Variants in DEFB124 observed in about 807,000 individuals in gnomAD.
DEFB124 encodes defensin beta 124, also known as beta-defensin 124.
For synonymous variants in DEFB124, 38 were observed against 36.5 expected (o/e 1.04, Z -0.15); for missense variants, 78 against 83.1 (o/e 0.94, Z 0.24).
At chr20:31,471,695 T>G (rs1274062237) in intron 2 of DEFB124, among the ~76,000 whole-genome samples, 1 of 136,360 alleles carries the variant, frequency 7.3e-6, no homozygotes, top group African/African-American at 2.9e-5. Flanking sequence ...ACGGGGCGGC[T>G]GGGCAGAGAC....
chr20:31,465,709 A>C, intron 2 of DEFB124, 46 bp from the exon 3 acceptor site: 1 of 1,596,064 alleles, frequency 6.3e-7, no homozygotes, highest in African/African-American at 1.3e-5. Context: ...CATGGGTCAC[A>C]CGTTAGACCA....
chr20:31,472,919 A>G (rs1980373701), intron 2 of DEFB124, 37 bp downstream of exon 2: 23 of 983,716 alleles, frequency 2.3e-5, no homozygotes, highest in South Asian at 1.1e-4. Context: ...ACACATGTGC[A>G]CACACACACA....
chr20:31,466,558 C>T (rs182720515), intron 2 of DEFB124, among the ~76,000 whole-genome samples: 160 of 147,286 alleles, frequency 1.1e-3, no homozygotes, highest in African/African-American at 4.1e-3. Flanking sequence ...CAAGTTCGTG[C>T]CACTGCACTG....
At position 31,466,606 on chromosome 20, in the gene DEFB124, A is replaced by AATAT. The variant is rs369305241; in HGVS notation, c.59-947_59-944dup. ...CAAACTAAGACTCCATCTCAAAAAG[A>AATAT]ATATATATATATATATAAAACCTTA... On this transcript the variant is annotated intron_variant, in intron 2 of 2. Coordinates refer to ENST00000317676, the MANE Select transcript of DEFB124 (RefSeq NM_001037500.2). 5.7e-4 allele frequency among the ~76,000 whole-genome samples: 69 copies of AATAT among 120,492 alleles called. 3 individuals are homozygous for AATAT. The highest frequency in any genetic ancestry group is 2.6e-3 in the African/African-American group (63 of 24,162). 79.0% of individuals were successfully genotyped at this position (120,492 alleles called of 152,430 possible). A position where few individuals can be genotyped will look rare whatever the true frequency, so the allele number is the denominator to read the frequency against.
chr20:31,471,164 G>A (rs1247017232), intron 2 of DEFB124, among the ~76,000 whole-genome samples: 2 of 136,702 alleles, frequency 1.5e-5, no homozygotes, highest in African/African-American at 5.5e-5. Flanking sequence ...TCCCGGACGA[G>A]GCGGCTGGCT....
At chr20:31,470,348 C>G (rs569209716) in intron 2 of DEFB124, among the ~76,000 whole-genome samples, 3 of 139,682 alleles carry the variant, frequency 2.1e-5, no homozygotes, top group Non-Finnish European at 4.8e-5. Context: ...GCGCCCCTCA[C>G]CCCCCGGACG....
chr20:31,465,992 A>C (rs1337788410), intron 2 of DEFB124, among the ~76,000 whole-genome samples: 1 of 151,734 alleles, frequency 6.6e-6, no homozygotes, highest in Non-Finnish European at 1.5e-5. Context: ...CCCTTTCTCT[A>C]CCAAAAATAC....
rs1333818860 is a variant in DEFB124, at chr20:31,471,482, G to A, written c.58+1474C>T. Among the ~76,000 whole-genome samples, 3 of 135,240 alleles carry A rather than the reference G, an allele frequency of 2.2e-5. 1 individual carries two copies. Among genetic ancestry groups the A allele is most frequent in the African/African-American group, 5.6e-5 (2 of 35,822 alleles). 88.7% of individuals were successfully genotyped at this position (135,240 alleles called of 152,430 possible). On this transcript the variant is annotated intron_variant, in intron 2 of 2. Transcript: ENST00000317676. The stretch of plus-strand genomic sequence containing the variant: ...GACTGACCCCCCCCACCTCCCTCCC[G>A]GACGGGGGGCTGACCCCCCCACCTC...
chr20:31,472,442 G>A (rs1365404006), intron 2 of DEFB124, among the ~76,000 whole-genome samples: 1 of 133,718 alleles, frequency 7.5e-6, no homozygotes, highest in Non-Finnish European at 1.6e-5. Flanking sequence ...GGGGAGAAGG[G>A]AGAGGGGAGA....
chr20:31,470,838 C>T (rs1268498806), intron 2 of DEFB124, among the ~76,000 whole-genome samples: 5 of 137,456 alleles, frequency 3.6e-5, no homozygotes, highest in African/African-American at 1.4e-4. Flanking sequence ...GGTGCTGATC[C>T]CCCCACCTCC....
chr20:31,472,072 A>G (rs1980335972), intron 2 of DEFB124, among the ~76,000 whole-genome samples: 1 of 151,912 alleles, frequency 6.6e-6, no homozygotes, highest in Admixed American at 6.5e-5. Flanking sequence ...TGGAGGTTGT[A>G]GCGAGCTGAG....
intron 2 of DEFB124, among the ~76,000 whole-genome samples, chr20:31,468,590 C>T (rs1183315129): frequency 6.6e-6 from 1 of 151,982 alleles, no homozygotes; most frequent in African/African-American, 2.4e-5. Flanking sequence ...ATTCTCCTGC[C>T]TCAGCCTCCC....
chr20:31,470,357 C>CGGGGTGGCTGGCCGGGCAGG, intron 2 of DEFB124, among the ~76,000 whole-genome samples: 1 of 136,914 alleles, frequency 7.3e-6, no homozygotes, highest in Non-Finnish European at 1.6e-5. Context: ...ACCCCCCGGA[C>CGGGGTGGCTGGCCGGGCAGG]GGGGTGGCTG....
chr20:31,472,389 A>C (rs172561), intron 2 of DEFB124, among the ~76,000 whole-genome samples: 119,123 of 146,158 alleles, frequency 0.82, 48,968 homozygotes, highest in African/African-American at 0.95. Context: ...AGAGGGAGAC[A>C]GTGGAAAGAG....
At chr20:31,467,568 T>A (rs115893319) in intron 2 of DEFB124, among the ~76,000 whole-genome samples, 2,859 of 152,188 alleles carry the variant, frequency 0.019, 66 homozygotes, top group Middle Eastern at 0.058. Flanking sequence ...AAATGCTCAA[T>A]AAATAGGAGG....
intron 2 of DEFB124, among the ~76,000 whole-genome samples, chr20:31,466,624 A>ATATATATATATAT (rs1980091412): frequency 2.8e-5 from 2 of 71,922 alleles, no homozygotes; most frequent in Non-Finnish European, 4.9e-5. Flanking sequence ...TATATATATA[A>ATATATATATATAT]AACCTTATCC....
chr20:31,473,001 G>T lies in DEFB124; in HGVS notation c.13C>A (p.Leu5Ile). The T allele has an allele frequency of 6.2e-7, 1 of 1,614,098 alleles. No individual in the cohort carries two copies. Among genetic ancestry groups the T allele is most frequent in the East Asian group, 2.2e-5 (1 of 44,882 alleles). The part of the protein sequence containing the change: MTQL[L>I]LFLVALLVLG... The stretch of plus-strand genomic sequence containing the variant: ...ACCAGGAGAGCCACAAGGAACAGAA[G>T]CAGCTGTGTCATGGCCACGGGGCTC... Residue 5 changes from leucine to isoleucine, a missense_variant, in exon 2 of 3, where the codon CTT (leucine) becomes ATT (isoleucine). Transcript: ENST00000317676.
At chr20:31,471,162 G>T (rs1425691276) in intron 2 of DEFB124, among the ~76,000 whole-genome samples, 3 of 131,196 alleles carry the variant, frequency 2.3e-5, no homozygotes, top group Non-Finnish European at 3.3e-5. Flanking sequence ...CCTCCCGGAC[G>T]AGGCGGCTGG....
chr20:31,465,520 G>T lies in DEFB124; in HGVS notation c.202C>A (p.His68Asn). ...GCAGGAACCAGCTACTCATATTCAT[G>T]CTTGGGGACCGGTGGAGGTTTCAAT... is the stretch of plus-strand genomic sequence containing the variant. Reference protein sequence around the residue: ...YALKPPPVPKHEYE With the variant: ...YALKPPPVPKNEYE Residue 68 changes from histidine (H) to asparagine (N), a missense_variant, in exon 3 of 3, where the codon CAT becomes AAT. Coordinates refer to ENST00000317676, the MANE Select transcript of DEFB124 (RefSeq NM_001037500.2). The T allele has an allele frequency of 1.2e-6, 2 of 1,614,150 alleles. No individual in the cohort carries two copies. The highest frequency in any genetic ancestry group is 1.7e-6 in the Non-Finnish European group (2 of 1,180,018).
Sources: allele counts gnomAD v4.1 joint callset (sites outside exome capture counted in the v4.1 genomes callset), GRCh38; gene constraint gnomAD v4.1.1; transcripts MANE v1.5; gene names NCBI Gene and HGNC (gene_info 2026-07-23, HGNC 2026-07-21).